RAPGEF2: variants seen among roughly 807,000 people sequenced by gnomAD.
RAPGEF2 encodes Rap guanine nucleotide exchange factor 2.
In RAPGEF2, 54 loss-of-function variants were observed where a neutral mutation model predicts 186.7. That is an observed-to-expected ratio of 0.29 (90% CI 0.23 to 0.36). The LOEUF (loss-of-function observed/expected upper bound fraction) is 0.36, where lower values mean the gene tolerates loss of function less well. RAPGEF2 is among the 10% of genes least tolerant of loss of function. The probability of loss-of-function intolerance (pLI) is 1.00; values close to 1 mark genes in which losing one functional copy is unlikely to be tolerated. For synonymous variants in RAPGEF2, 712 were observed against 705.9 expected, an observed-to-expected ratio of 1.01 and a Z score of -0.14; for missense variants, 1,532 against 2,045.0, an observed-to-expected ratio of 0.75 and a Z score of 4.84.
intron 7 of RAPGEF2, among the ~76,000 whole-genome samples, chr4:159,254,933 A>G (rs563801818): frequency 6.6e-6 from 1 of 152,262 alleles, no homozygotes; most frequent in African/African-American, 2.4e-5. Context: ...TGTGGTGCAT[A>G]ATGACATTTT....
intron 3 of RAPGEF2, among the ~76,000 whole-genome samples, chr4:159,197,810 A>G (rs553256938): frequency 5.4e-4 from 82 of 151,774 alleles, no homozygotes; most frequent in Admixed American, 9.8e-4. Context: ...CCTCTAGGCA[A>G]CTCTGCCTCA....
intron 4 of RAPGEF2, among the ~76,000 whole-genome samples, chr4:159,230,457 A>G (rs779560961): frequency 6.6e-6 from 1 of 152,192 alleles, no homozygotes; most frequent in Non-Finnish European, 1.5e-5. Flanking sequence ...ATATAATTCA[A>G]AGTAGAAAAG....
intron 3 of RAPGEF2, among the ~76,000 whole-genome samples, chr4:159,202,470 G>T (rs1377663245): frequency 6.6e-6 from 1 of 152,170 alleles, no homozygotes; most frequent in Non-Finnish European, 1.5e-5. Context: ...GTTTGTGGCT[G>T]TTGGGAGTCT....
chr4:159,285,304 G>T (rs1760308372), intron 7 of RAPGEF2, among the ~76,000 whole-genome samples: 1 of 152,040 alleles, frequency 6.6e-6, no homozygotes, highest in Admixed American at 6.6e-5. Flanking sequence ...GATTTATTTG[G>T]TGTGTTTTGT....
At chr4:159,326,420 C>T (rs994906409) in intron 11 of RAPGEF2, among the ~76,000 whole-genome samples, 7 of 152,194 alleles carry the variant, frequency 4.6e-5, no homozygotes, top group African/African-American at 1.7e-4. Flanking sequence ...GAAAAAACAA[C>T]TTTGCATAGG....
intron 1 of RAPGEF2, among the ~76,000 whole-genome samples, chr4:159,115,759 A>C (rs1208597448): frequency 6.6e-6 from 1 of 152,230 alleles, no homozygotes; most frequent in Non-Finnish European, 1.5e-5. Flanking sequence ...GGAACAGAAT[A>C]GTGATCTCAG....
chr4:159,243,686 T>C, intron 6 of RAPGEF2, 88 bp from the exon 7 acceptor site: 1 of 853,660 alleles, frequency 1.2e-6, no homozygotes, highest in African/African-American at 1.7e-5. Flanking sequence ...AACATTATCT[T>C]CATTTTGGCA....
chr4:159,290,130 T>C (rs1023801200), intron 7 of RAPGEF2, among the ~76,000 whole-genome samples: 1 of 152,150 alleles, frequency 6.6e-6, no homozygotes, highest in African/African-American at 2.4e-5. Context: ...AGAAGCAAGA[T>C]AGGACAGTGG....
intron 25 of RAPGEF2, among the ~76,000 whole-genome samples, chr4:159,348,939 A>G (rs754247398): frequency 3.9e-5 from 6 of 152,216 alleles, no homozygotes; most frequent in Admixed American, 1.3e-4. Flanking sequence ...GTTTTGTTCT[A>G]TATACTTTCT....
At chr4:159,121,153 G>C (rs13127567) in intron 1 of RAPGEF2, among the ~76,000 whole-genome samples, 95,401 of 151,974 alleles carry the variant, frequency 0.63, 30,754 homozygotes, top group African/African-American at 0.78. Flanking sequence ...GCACCCGGCC[G>C]ATCTTTGAAG....
At chr4:159,233,464 C>A (rs891602157) in intron 4 of RAPGEF2, among the ~76,000 whole-genome samples, 5 of 152,170 alleles carry the variant, frequency 3.3e-5, no homozygotes, top group Non-Finnish European at 7.3e-5. Context: ...ACTGGTCAAT[C>A]ATTTGCAGCA....
intron 5 of RAPGEF2, among the ~76,000 whole-genome samples, chr4:159,240,822 T>C (rs1372812538): frequency 2.0e-5 from 3 of 150,762 alleles, no homozygotes; most frequent in Admixed American, 6.6e-5. Context: ...TTTTTTTTTT[T>C]TTTTCTTTTT....
Position 159,239,264 on chromosome 4 carries a change from G to A in RAPGEF2, c.357+380G>A, listed in dbSNP as rs1382635331. 1.2e-4 allele frequency among the ~76,000 whole-genome samples: 18 copies of A among 152,254 alleles called. 1 individual carries two copies. Among genetic ancestry groups the A allele is most frequent in the Admixed American group, 1.2e-3 (18 of 15,292 alleles). On this transcript the variant is annotated intron_variant, in intron 5 of 29. Coordinates refer to ENST00000691494, the MANE Select transcript of RAPGEF2 (RefSeq NM_001394067.2). ...TTACTTTAAATCAATCACTAGGTTT[G>A]CTGGTGTGAGAACAATTTTGGAATC...
chr4:159,246,701 G>C (rs1754660420), intron 7 of RAPGEF2, among the ~76,000 whole-genome samples: 2 of 152,092 alleles, frequency 1.3e-5, no homozygotes, highest in African/African-American at 2.4e-5. Flanking sequence ...TTTCTGACTT[G>C]AGTTATGTTC....
intron 4 of RAPGEF2, among the ~76,000 whole-genome samples, chr4:159,211,887 C>G (rs1409620373): frequency 6.6e-6 from 1 of 151,944 alleles, no homozygotes; most frequent in Non-Finnish European, 1.5e-5. Flanking sequence ...AGAAATGATG[C>G]TAGCATTGGT....
intron 1 of RAPGEF2, among the ~76,000 whole-genome samples, chr4:159,162,437 A>G (rs190616175): frequency 6.6e-6 from 1 of 151,956 alleles, no homozygotes; most frequent in Non-Finnish European, 1.5e-5. Context: ...TATTGAAAAA[A>G]TTAATTATTA....
At position 159,353,847 on chromosome 4, in the gene RAPGEF2, A is replaced by G. The variant is rs1007441633; in HGVS notation, c.4452A>G (p.Arg1484=). 1.2e-6 allele frequency: 2 copies of G among 1,614,090 alleles called. No homozygotes were observed. Among genetic ancestry groups the G allele is most frequent in the Admixed American group, 3.3e-5 (2 of 60,006 alleles). Residue 1484 remains arginine, a synonymous_variant, in exon 28 of 30, where the codon CGA becomes CGG. Coordinates refer to ENST00000691494, the MANE Select transcript of RAPGEF2 (RefSeq NM_001394067.2). The surrounding 1 kb of genome is among the most constrained non-coding windows in gnomAD (Gnocchi z 4.3). The part of the protein sequence containing the change: ...SRESLEQAQS[R]ASWASSTGYW... ...AGAGCCTTGAACAAGCCCAGTCCCG[A>G]GCAAGCTGGGCGTCTTCCACAGGTT...
intron 7 of RAPGEF2, among the ~76,000 whole-genome samples, chr4:159,297,838 G>C (rs1362761146): frequency 6.6e-6 from 1 of 152,122 alleles, no homozygotes; most frequent in African/African-American, 2.4e-5. Flanking sequence ...AGATTATTTG[G>C]ACCACAGTGA....
At position 159,238,793 on chromosome 4, in the gene RAPGEF2, TTTTC is replaced by T. The variant is rs751720719; in HGVS notation, c.282-6_282-3del. On this transcript the variant is annotated splice_polypyrimidine_tract_variant and intron_variant, in intron 4 of 29. Coordinates refer to ENST00000691494, the MANE Select transcript of RAPGEF2 (RefSeq NM_001394067.2). ...CTGAGGTTCTCCTCATTGATTTTTT[TTTTC>T]TTTCTTTCTAGTTTTGGCAAGCGTT... 47 of 1,514,820 alleles carry T rather than the reference TTTTC, an allele frequency of 3.1e-5. No individual in the cohort carries two copies. Among genetic ancestry groups the T allele is most frequent in the African/African-American group, 8.4e-5 (6 of 71,684 alleles). 93.8% of individuals were successfully genotyped at this position (1,514,820 alleles called of 1,614,324 possible).
Sources: gnomAD v4.1 joint callset for allele counts (sites outside exome capture counted in the v4.1 genomes callset) on GRCh38, gnomAD v4.1.1 for gene constraint, Gnocchi (gnomAD v3.1) non-coding constraint, MANE v1.5 for transcripts, NCBI Gene and HGNC (gene_info 2026-07-23, HGNC 2026-07-21) for gene names.